The following CFAP251 variants were observed in gnomAD, a reference collection of about 807,000 sequenced individuals.
The protein encoded by CFAP251 is cilia and flagella associated protein 251.
A neutral mutation model predicts 126.7 loss-of-function variants in CFAP251; 93 were observed. The observed-to-expected ratio is 0.73, with a 90% CI of 0.62 to 0.87. CFAP251 has a LOEUF of 0.87. Among genes scored for constraint, CFAP251 ranks in the 40% least tolerant of loss-of-function variants. The pLI is 0.00. For missense variants in CFAP251, 1,287 were observed against 1,389.2 expected (o/e 0.93, Z 1.17); for synonymous variants, 503 against 506.9 (o/e 0.99, Z 0.10).
At chr12:121,959,673 A>C (rs1232442060) in intron 13 of CFAP251, 1 of 152,254 alleles carries the variant, frequency 6.6e-6, no homozygotes, top group Non-Finnish European at 1.5e-5. Context: ...TAGCTGGACA[A>C]AGAAAAGGGA....
At chr12:121,942,763 C>T in intron 6 of CFAP251, 118 bp downstream of exon 6, 1 of 1,243,592 alleles carries the variant, frequency 8.0e-7, no homozygotes, top group Non-Finnish European at 1.2e-6. Context: ...CTCAAAAGAC[C>T]AGACTCCACA....
intron 17 of CFAP251, chr12:121,968,799 C>A: frequency 1.5e-6 from 1 of 647,210 alleles, no homozygotes; most frequent in Non-Finnish European, 1.9e-6. Context: ...CTGTAAAGAT[C>A]AGGTAGTTTA....
At chr12:121,975,371 C>G in intron 18 of CFAP251, 37 bp downstream of exon 18, 1 of 1,598,062 alleles carries the variant, frequency 6.3e-7, no homozygotes, top group East Asian at 2.2e-5. Context: ...CTGGTAACAT[C>G]TAGTTAAGTT....
At chr12:121,919,423 A>G (rs1355396596) in intron 1 of CFAP251, among the ~76,000 whole-genome samples, 1 of 152,228 alleles carries the variant, frequency 6.6e-6, no homozygotes, top group Non-Finnish European at 1.5e-5. Flanking sequence ...CAAACTGTTC[A>G]TTTCTTTGCA....
Position 122,003,623 on chromosome 12 carries a change from AT to A in CFAP251, c.3338-26del, listed in dbSNP as rs765178477. On this transcript the variant is annotated intron_variant, in intron 21 of 21. Transcript: ENST00000288912. ...AAAGAAACATAATCATCATGAAGGCATTTGGTGTTCTTTTCTTGTTTTGGCT... is the reference window on the plus strand; with the variant it reads ...AAAGAAACATAATCATCATGAAGGCATTGGTGTTCTTTTCTTGTTTTGGCT... The A allele has an allele frequency of 1.3e-5, 20 of 1,551,020 alleles. No homozygotes were observed. The East Asian group carries it at 2.0e-4, about 16-fold the overall frequency.
chr12:122,001,922 A>G (rs1883161013), intron 21 of CFAP251: 1 of 328,376 alleles, frequency 3.0e-6, no homozygotes, highest in Non-Finnish European at 5.9e-6. Flanking sequence ...GAGAATAGGT[A>G]TGTAAAGAGA....
intron 17 of CFAP251, among the ~76,000 whole-genome samples, chr12:121,972,577 C>T (rs1882363300): frequency 1.3e-5 from 2 of 152,038 alleles, no homozygotes; most frequent in Admixed American, 1.3e-4. Flanking sequence ...CAACCTCCAC[C>T]TCCCGGGTTC....
intron 10 of CFAP251, among the ~76,000 whole-genome samples, chr12:121,954,651 A>AC (rs1881656884): frequency 6.7e-6 from 1 of 148,420 alleles, no homozygotes; most frequent in Non-Finnish European, 1.5e-5. Flanking sequence ...AAAAAAAAAA[A>AC]AAAAAAAAAA....
chr12:122,002,486 G>A (rs764901408), intron 21 of CFAP251, among the ~76,000 whole-genome samples: 25 of 152,140 alleles, frequency 1.6e-4, no homozygotes, highest in Middle Eastern at 3.2e-3. Flanking sequence ...GCTGCGGTGA[G>A]TGAGGATTGT....
chr12:121,956,993 G>T, intron 10 of CFAP251, 81 bp from the exon 11 acceptor site: 1 of 1,126,246 alleles, frequency 8.9e-7, no homozygotes, highest in East Asian at 2.8e-5. Context: ...AGAATCCAGA[G>T]CCTGACATAT....
At chr12:121,937,435 C>T (rs1219072406) in intron 5 of CFAP251, among the ~76,000 whole-genome samples, 1 of 152,192 alleles carries the variant, frequency 6.6e-6, no homozygotes, top group Non-Finnish European at 1.5e-5. Context: ...AGGTCATATT[C>T]TGAGGTTCTG....
intron 19 of CFAP251, among the ~76,000 whole-genome samples, chr12:121,986,060 C>T (rs1031845988): frequency 4.6e-5 from 7 of 152,118 alleles, no homozygotes; most frequent in Middle Eastern, 3.2e-3. Context: ...GGCGTGATCT[C>T]GGCTCACTGC....
intron 8 of CFAP251, chr12:121,949,485 T>G (rs1008781412): frequency 2.0e-5 from 3 of 151,496 alleles, no homozygotes; most frequent in Non-Finnish European, 1.5e-5. Flanking sequence ...CAGCAGGTTT[T>G]TTTTTTTTTT....
chr12:121,921,373 A>T lies in CFAP251; in HGVS notation c.68A>T (p.Glu23Val). The T allele has an allele frequency of 6.2e-7, 1 of 1,610,722 alleles. No individual in the cohort carries two copies. Among genetic ancestry groups the T allele is most frequent in the Non-Finnish European group, 8.5e-7 (1 of 1,179,246 alleles). Reference sequence around the variant, plus strand: ...AATGGAGAAACAGAAATGAAAGAAGAGGAGGAACCTAATCCAAATTATAAA... The same window carrying T: ...AATGGAGAAACAGAAATGAAAGAAGTGGAGGAACCTAATCCAAATTATAAA... ...GENGETEMKEEEEPNPNYKEV... is the reference protein window; with the variant it reads ...GENGETEMKEVEEPNPNYKEV... Residue 23 changes from glutamate (E) to valine (V), a missense_variant, in exon 2 of 22, where the codon GAG (glutamate) becomes GTG (valine). Coordinates refer to ENST00000288912, the MANE Select transcript of CFAP251 (RefSeq NM_144668.6).
At chr12:121,956,251 G>C (rs1357162500) in intron 10 of CFAP251, among the ~76,000 whole-genome samples, 1 of 152,168 alleles carries the variant, frequency 6.6e-6, no homozygotes, top group Non-Finnish European at 1.5e-5. Context: ...TGATTTCAGA[G>C]GGCTGGTGAA....
chr12:121,978,715 G>A (rs577274833), intron 19 of CFAP251, among the ~76,000 whole-genome samples: 1 of 152,188 alleles, frequency 6.6e-6, no homozygotes, highest in Admixed American at 6.5e-5. Flanking sequence ...TGTGAGCAAG[G>A]TGGTAAAAAT....
rs574696242 is a variant in CFAP251, at chr12:121,991,495, C to G, written c.3007-8221C>G. Among the ~76,000 whole-genome samples the G allele has an allele frequency of 2.0e-5, 3 of 152,200 alleles. No homozygotes were observed. The East Asian group carries it at 5.8e-4, about 29-fold the overall frequency. On this transcript the variant is annotated intron_variant, in intron 19 of 21. Coordinates refer to ENST00000288912, the MANE Select transcript of CFAP251 (RefSeq NM_144668.6). ...TGACTTCACGTGACCTAGGGACTTA[C>G]AAGAAATGCAAATGGTCAGACCCTA...
intron 7 of CFAP251, 63 bp from the exon 8 acceptor site, chr12:121,948,921 A>T: frequency 1.1e-6 from 1 of 936,152 alleles, no homozygotes. Context: ...TTTAATTTTA[A>T]CATTCAGCTT....
chr12:122,000,024 C>T lies in CFAP251; in HGVS notation c.3235+80C>T, dbSNP rs1325435916. On this transcript the variant is annotated intron_variant, in intron 20 of 21. Coordinates refer to ENST00000288912, the MANE Select transcript of CFAP251 (RefSeq NM_144668.6). Reference sequence around the variant, plus strand: ...AGAACTGAGTTTGGGGAGCCAGCCCCTGTGGAGCTCCATCTTTCATGAAAG... The same window carrying T: ...AGAACTGAGTTTGGGGAGCCAGCCCTTGTGGAGCTCCATCTTTCATGAAAG... The T allele has an allele frequency of 4.7e-6, 6 of 1,272,326 alleles. No individual in the cohort carries two copies. The Admixed American group carries it at 1.0e-4, about 22-fold the overall frequency. The allele number at this position is 1,272,326 out of a possible 1,614,324, so 78.8% of individuals were successfully genotyped here.
Sources: gnomAD v4.1 joint callset for allele counts (sites outside exome capture counted in the v4.1 genomes callset) on GRCh38, gnomAD v4.1.1 for gene constraint, MANE v1.5 for transcripts, NCBI Gene and HGNC (gene_info 2026-07-23, HGNC 2026-07-21) for gene names.